ZNF217: variants seen among roughly 807,000 people sequenced by gnomAD.
ZNF217 encodes the protein zinc finger protein 217.
Under a neutral mutation model 73.3 loss-of-function variants are expected in ZNF217, and 12 were observed. That is an observed-to-expected ratio of 0.16 (90% CI 0.10 to 0.27). The LOEUF is 0.27. Ranked by LOEUF, ZNF217 falls within the 10% of genes least tolerant of loss-of-function variation. The pLI is 1.00. For missense variants in ZNF217, 1,195 were observed against 1,327.8 expected (o/e 0.90, Z 1.55); for synonymous variants, 588 against 516.4 (o/e 1.14, Z -1.88).
At chr20:53,585,851 T>G (rs1194976074) in intron 1 of ZNF217, among the ~76,000 whole-genome samples, 1 of 152,078 alleles carries the variant, frequency 6.6e-6, no homozygotes, top group Non-Finnish European at 1.5e-5. Context: ...GGGGTCTTCT[T>G]GTGTGGTCAG....
At chr20:53,590,987 C>T (rs1484502382) in intron 1 of ZNF217, among the ~76,000 whole-genome samples, 3 of 152,076 alleles carry the variant, frequency 2.0e-5, no homozygotes, top group Non-Finnish European at 2.9e-5. Context: ...CAAATCTACC[C>T]CCACCTTAAA....
At chr20:53,594,678 T>G (rs927955670), upstream of ZNF217, among the ~76,000 whole-genome samples, 34 of 151,730 alleles carry the variant, frequency 2.2e-4, no homozygotes, top group East Asian at 3.9e-4. Flanking sequence ...CAGGCGCAGA[T>G]CCGGCCCTGT....
chr20:53,577,635 A>C (rs944460416), intron 3 of ZNF217, among the ~76,000 whole-genome samples: 4 of 152,238 alleles, frequency 2.6e-5, no homozygotes, highest in Non-Finnish European at 5.9e-5. Context: ...TGAAATTTCA[A>C]ATCTACGCAG....
At chr20:53,583,198 T>C (rs1988572316) in intron 1 of ZNF217, 30 bp from the exon 2 acceptor site, 4 of 407,908 alleles carry the variant, frequency 9.8e-6, no homozygotes, top group Non-Finnish European at 1.7e-5. Flanking sequence ...AACGGTTAGC[T>C]ACACTCAGAG....
rs1211964556 is a variant in ZNF217, at chr20:53,576,187, T to C, written c.2577A>G (p.Thr859=). The C allele has an allele frequency of 1.9e-6, 3 of 1,614,122 alleles. No individual in the cohort carries two copies. In the African/African-American group the frequency reaches 4.0e-5, roughly 22 times the overall value. ...PAPDKTKRPE[T]KLKPLPVAPS... is the part of the protein sequence containing the mutation. ...GAGCTACTGGAAGAGGTTTCAATTT[T>C]GTCTCGGGTCTTTTTGTCTTATCCG... Residue 859 remains threonine, a synonymous_variant, in exon 4 of 6, where the codon ACA becomes ACG. Transcript: ENST00000371471.
intron 1 of ZNF217, among the ~76,000 whole-genome samples, chr20:53,584,677 G>A (rs1300403140): frequency 6.6e-6 from 1 of 152,224 alleles, no homozygotes; most frequent in Admixed American, 6.5e-5. Flanking sequence ...AACGCAGTTG[G>A]TTAAACTATA....
rs763887037 is a variant in ZNF217, at chr20:53,582,878, G to C, written c.-52C>G. On this transcript the variant is annotated 5_prime_UTR_variant, in exon 2 of 6. Coordinates refer to ENST00000371471, the MANE Select transcript of ZNF217 (RefSeq NM_006526.3). The surrounding 1 kb of genome is among the most constrained non-coding windows in gnomAD (Gnocchi z 4.8). ...TTCTGGAGTTGGAATAAGGCCACTT[G>C]TAAGACTTGTCACTCACCCCTCTAA... The C allele has an allele frequency of 1.3e-6, 2 of 1,538,454 alleles. No homozygotes were observed. Among genetic ancestry groups the C allele is most frequent in the Non-Finnish European group, 1.8e-6 (2 of 1,141,322 alleles).
In ZNF217 at chr20:53,581,327, G is replaced by C. The variant is rs1988472618; in HGVS notation, c.1366+134C>G. The C allele has an allele frequency of 6.3e-6, 8 of 1,268,372 alleles. No individual in the cohort carries two copies. The highest frequency in any genetic ancestry group is 8.5e-6 in the Non-Finnish European group (8 of 936,694). 78.6% of individuals were successfully genotyped at this position (1,268,372 alleles called of 1,614,324 possible). A position where few individuals can be genotyped will look rare whatever the true frequency, so the allele number is the denominator to read the frequency against. On this transcript the variant is annotated intron_variant, in intron 2 of 5. Coordinates refer to ENST00000371471, the MANE Select transcript of ZNF217 (RefSeq NM_006526.3). This position sits in a 1 kb window ranked among gnomAD's most constrained non-coding sequence, Gnocchi z 4.9. ...GACTTACACAGAGTGATACCAAAAA[G>C]AGCCTGGACTTGACTCTGGCTCTCC...
At chr20:53,593,637 A>AG (rs1366643542) in intron 1 of ZNF217, 119 bp downstream of exon 1, 5 of 150,034 alleles carry the variant, frequency 3.3e-5, no homozygotes, top group African/African-American at 1.2e-4. Flanking sequence ...CGGGGAACTG[A>AG]GGTCATCCTG....
In ZNF217 at chr20:53,582,849, C is replaced by CA; in HGVS notation, c.-24dup. On this transcript the variant is annotated 5_prime_UTR_variant, in exon 2 of 6. Transcript: ENST00000371471. The surrounding 1 kb of genome is among the most constrained non-coding windows in gnomAD (Gnocchi z 4.8). ...CATATAATCTCAAAGTTCCGTTGGG[C>CA]AATTTCTGGAGTTGGAATAAGGCCA... 6.4e-7 allele frequency: 1 copy of CA among 1,568,052 alleles called. No homozygotes were observed. Among genetic ancestry groups the CA allele is most frequent in the Non-Finnish European group, 8.7e-7 (1 of 1,155,128 alleles).
At chr20:53,591,314 G>C (rs1259992814) in intron 1 of ZNF217, among the ~76,000 whole-genome samples, 1 of 152,214 alleles carries the variant, frequency 6.6e-6, no homozygotes, top group Non-Finnish European at 1.5e-5. Flanking sequence ...AAAAGTGTGT[G>C]TCCTTCACCA....
At chr20:53,584,116 T>C (rs1218698746) in intron 1 of ZNF217, among the ~76,000 whole-genome samples, 25 of 152,240 alleles carry the variant, frequency 1.6e-4, no homozygotes, top group Admixed American at 1.6e-3. Context: ...GTTTAGAAGC[T>C]AATTTTCACT....
At position 53,567,516 on chromosome 20, in the gene ZNF217, T is replaced by A. The variant is rs1987795959; in HGVS notation, c.*1772A>T. The A allele has an allele frequency of 6.6e-6, 1 of 152,630 alleles. No individual in the cohort carries two copies. The highest frequency in any genetic ancestry group is 2.1e-4 in the South Asian group (1 of 4,836). The allele number at this position is 152,630 out of a possible 1,614,324, so 9.5% of individuals were successfully genotyped here. On this transcript the variant is annotated 3_prime_UTR_variant, in exon 6 of 6. Transcript: ENST00000371471. ...TAAATTCCAGCCCTCTATTATCACATACCCCCTTTAAGATTTATGGTTCTA... is the reference window on the plus strand; with the variant it reads ...TAAATTCCAGCCCTCTATTATCACAAACCCCCTTTAAGATTTATGGTTCTA...
Position 53,575,631 on chromosome 20 carries a change from C to CA in ZNF217, c.3037+95dup, listed in dbSNP as rs1373660519. On this transcript the variant is annotated intron_variant, in intron 4 of 5. Transcript: ENST00000371471. ...CAAGAACTTCTGGCTGCCTACCCCCCACCCTTGGGAGTGGTACCATCTCCA... is the reference window on the plus strand; with the variant it reads ...CAAGAACTTCTGGCTGCCTACCCCCCAACCCTTGGGAGTGGTACCATCTCCA... 13 of 1,249,480 alleles carry CA rather than the reference C, an allele frequency of 1.0e-5. No individual in the cohort carries two copies. The African/African-American group carries it at 1.7e-4, about 16-fold the overall frequency. The allele number at this position is 1,249,480 out of a possible 1,614,324, so 77.4% of individuals were successfully genotyped here.
chr20:53,575,556 G>A (rs1487636444), intron 4 of ZNF217, 171 bp downstream of exon 4: 2 of 602,286 alleles, frequency 3.3e-6, no homozygotes, highest in African/African-American at 3.7e-5. Context: ...GTAAGCCTTG[G>A]AGGACCACAA....
chr20:53,580,018 C>T (rs3790339), intron 2 of ZNF217, among the ~76,000 whole-genome samples: 7,669 of 152,252 alleles, frequency 0.05, 313 homozygotes, highest in East Asian at 0.15. Flanking sequence ...CTCACAGGGC[C>T]CCTGCAACAG....
intron 1 of ZNF217, among the ~76,000 whole-genome samples, chr20:53,586,650 A>G (rs1395504566): frequency 6.6e-6 from 1 of 152,246 alleles, no homozygotes; most frequent in Non-Finnish European, 1.5e-5. Flanking sequence ...CCAGGTTTAC[A>G]TCCCTTAAAA....
Position 53,583,175 on chromosome 20 carries a change from GAAAAAAAA to G in ZNF217, c.-342-15_-342-8del. 4.9e-6 allele frequency: 2 copies of G among 409,300 alleles called. No homozygotes were observed. Among genetic ancestry groups the G allele is most frequent in the South Asian group, 1.0e-4 (1 of 9,882 alleles). The allele number at this position is 409,300 out of a possible 1,614,324, so 25.4% of individuals were successfully genotyped here. On this transcript the variant is annotated splice_region_variant and splice_polypyrimidine_tract_variant and intron_variant, in intron 1 of 5. Coordinates refer to ENST00000371471, the MANE Select transcript of ZNF217 (RefSeq NM_006526.3). ...GACAAGGGATTTCCAAACCCTAGAG[GAAAAAAAA>G]CAGAAACGGTTAGCTACACTCAGAG... is the stretch of plus-strand genomic sequence containing the variant.
intron 1 of ZNF217, among the ~76,000 whole-genome samples, chr20:53,589,693 G>T (rs1988816126): frequency 6.6e-6 from 1 of 152,148 alleles, no homozygotes. Flanking sequence ...AAATTTGTCT[G>T]TTATTACTGG....
Sources: gnomAD v4.1 joint callset for allele counts (sites outside exome capture counted in the v4.1 genomes callset) on GRCh38, gnomAD v4.1.1 for gene constraint, Gnocchi (gnomAD v3.1) non-coding constraint, MANE v1.5 for transcripts, NCBI Gene and HGNC (gene_info 2026-07-23, HGNC 2026-07-21) for gene names.